Variants in LATS2 observed in about 807,000 individuals in gnomAD.
LATS2 encodes the protein serine/threonine-protein kinase LATS2.
A neutral mutation model predicts 76.0 loss-of-function variants in LATS2; 24 were observed. That is an observed-to-expected ratio of 0.32 (90% CI 0.23 to 0.44). The LOEUF (loss-of-function observed/expected upper bound fraction) is 0.44, where lower values mean the gene tolerates loss of function less well. Ranked by LOEUF, LATS2 falls within the 20% of genes least tolerant of loss-of-function variation. LATS2 has a pLI of 1.00. For synonymous variants in LATS2, 692 were observed against 635.4 expected (o/e 1.09, Z -1.34); for missense variants, 1,286 against 1,481.2 (o/e 0.87, Z 2.16).
At chr13:21,001,165 T>C (rs961703098) in intron 2 of LATS2, among the ~76,000 whole-genome samples, 3 of 152,180 alleles carry the variant, frequency 2.0e-5, no homozygotes, top group Admixed American at 1.3e-4. Flanking sequence ...AATTCCAGGA[T>C]TTTGAGGAAT....
In LATS2 at chr13:21,045,815, C is replaced by T. The variant is rs371569585; in HGVS notation, c.212G>A (p.Gly71Glu). 6.6e-5 allele frequency: 106 copies of T among 1,614,082 alleles called. No homozygotes were observed. The highest frequency in any genetic ancestry group is 8.9e-5 in the Non-Finnish European group (105 of 1,180,050). ...QQQMRATPKF[G>E]PYQKALREIR... ...TTCCCTCAAGGCTTTCTGATAAGGT[C>T]CGAACTTTGGGGTGGCTCTCATCTG... Residue 71 changes from glycine (G) to glutamate (E), a missense_variant, in exon 2 of 8, where the codon GGA becomes GAA. Coordinates refer to ENST00000382592, the MANE Select transcript of LATS2 (RefSeq NM_014572.3).
At chr13:21,023,933 A>T (rs1474726510) in intron 2 of LATS2, among the ~76,000 whole-genome samples, 1 of 151,538 alleles carries the variant, frequency 6.6e-6, no homozygotes, top group Non-Finnish European at 1.5e-5. Flanking sequence ...AGATCGCACC[A>T]TTGCACTCCA....
At chr13:21,037,827 G>T (rs1872733080) in intron 2 of LATS2, among the ~76,000 whole-genome samples, 2 of 148,632 alleles carry the variant, frequency 1.3e-5, no homozygotes, top group South Asian at 2.1e-4. Context: ...GACCAGGGCG[G>T]GTAGGGCCAG....
In LATS2 at chr13:21,059,829, G is replaced by A. The variant is rs139476118; in HGVS notation, c.-205+1517C>T. Reference sequence around the variant, plus strand: ...AAAAAATACAAAATTAGCTGGGCTGGTGGCGCGGGCCTGTAATCCCAGCTA... The same window carrying A: ...AAAAAATACAAAATTAGCTGGGCTGATGGCGCGGGCCTGTAATCCCAGCTA... On this transcript the variant is annotated intron_variant, in intron 1 of 7. Coordinates refer to ENST00000382592, the MANE Select transcript of LATS2 (RefSeq NM_014572.3). Among the ~76,000 whole-genome samples the A allele has an allele frequency of 9.4e-3, 1,422 of 151,900 alleles. 10 individuals carry two copies. The highest frequency in any genetic ancestry group is 0.014 in the Non-Finnish European group (982 of 67,986).
rs1257348191 is a variant in LATS2 at position 20,988,841 on chromosome 13, C to T, written c.939G>A (p.Val313=). ...AFPPPAAGLY[V]PHPHHKQAGP... is the part of the protein sequence containing the mutation. ...CGGCCTGCTTGTGGTGTGGGTGCGGCACGTAGAGCCCGGCGGCAGGGGGTG... is the reference window on the plus strand; with the variant it reads ...CGGCCTGCTTGTGGTGTGGGTGCGGTACGTAGAGCCCGGCGGCAGGGGGTG... Residue 313 remains valine, a synonymous_variant, in exon 4 of 8, where the codon GTG becomes GTA. Transcript: ENST00000382592. The T allele has an allele frequency of 3.1e-6, 5 of 1,594,630 alleles. No individual in the cohort carries two copies. Among genetic ancestry groups the T allele is most frequent in the Non-Finnish European group, 2.6e-6 (3 of 1,176,288 alleles).
At chr13:21,011,343 C>A (rs1871584739) in intron 2 of LATS2, among the ~76,000 whole-genome samples, 1 of 152,220 alleles carries the variant, frequency 6.6e-6, no homozygotes, top group Non-Finnish European at 1.5e-5. Flanking sequence ...AGGCCTTAGA[C>A]CTCCATGAAA....
chr13:20,997,173 A>G (rs1434668453), intron 2 of LATS2, among the ~76,000 whole-genome samples: 1 of 152,228 alleles, frequency 6.6e-6, no homozygotes, highest in East Asian at 1.9e-4. Context: ...CTGAGGTTTC[A>G]CTGGTTTACT....
At chr13:21,023,480 AC>A (rs1423253402) in intron 2 of LATS2, among the ~76,000 whole-genome samples, 29 of 151,892 alleles carry the variant, frequency 1.9e-4, no homozygotes, top group African/African-American at 7.0e-4. Flanking sequence ...GGACCCCTGC[AC>A]TTCCCGTCCT....
At position 20,988,643 on chromosome 13, in the gene LATS2, G is replaced by C. The variant is rs751858648; in HGVS notation, c.1137C>G (p.Asp379Glu). Residue 379 changes from aspartate (D) to glutamate (E), a missense_variant, in exon 4 of 8, where the codon GAC becomes GAG. Around this residue, in one of 5 missense-constraint regions of LATS2, gnomAD observed 710 missense variants for 660.9 expected, o/e 1.07. Coordinates refer to ENST00000382592, the MANE Select transcript of LATS2 (RefSeq NM_014572.3). ...CCTCCAGGCCCGGCTTCTGCAGGGA[G>C]TCCCGGCGGGCCAGGGTGGCAGCCG... ...QWPAATLARR[D>E]SLQKPGLEAP... 3 of 1,583,614 alleles carry C rather than the reference G, an allele frequency of 1.9e-6. No individual in the cohort carries two copies. In the South Asian group the frequency reaches 3.4e-5, roughly 18 times the overall value.
chr13:21,046,641 T>G (rs1461428023), intron 1 of LATS2, among the ~76,000 whole-genome samples: 1 of 152,214 alleles, frequency 6.6e-6, no homozygotes, highest in Non-Finnish European at 1.5e-5. Context: ...TCCTTGTCCT[T>G]CATCCCCATG....
chr13:21,025,918 C>G (rs573049773), intron 2 of LATS2, among the ~76,000 whole-genome samples: 3 of 152,222 alleles, frequency 2.0e-5, no homozygotes, highest in African/African-American at 7.2e-5. Flanking sequence ...GATTAGGGAC[C>G]CCTGTTATAA....
At chr13:21,054,160 T>C (rs899455444) in intron 1 of LATS2, among the ~76,000 whole-genome samples, 3 of 152,168 alleles carry the variant, frequency 2.0e-5, no homozygotes, top group Non-Finnish European at 4.4e-5. Context: ...TTTTTAAACA[T>C]AGCTACACGG....
chr13:20,988,853 G>T lies in LATS2; in HGVS notation c.927C>A (p.Ala309=), dbSNP rs367606968. 9.9e-4 allele frequency: 1,574 copies of T among 1,587,884 alleles called. 1 individual carries two copies. The highest frequency in any genetic ancestry group is 1.3e-3 in the Non-Finnish European group (1,476 of 1,173,198). The change falls in exon 4 of 8, where the codon GCC becomes GCA. Residue 309 remains alanine (A), a synonymous_variant. Coordinates refer to ENST00000382592, the MANE Select transcript of LATS2 (RefSeq NM_014572.3). ...GGTGTGGGTGCGGCACGTAGAGCCC[G>T]GCGGCAGGGGGTGGGAAAGCGAGGC... ...GAGLAFPPPA[A]GLYVPHPHHK...
intron 2 of LATS2, among the ~76,000 whole-genome samples, chr13:20,999,439 A>C (rs1595224565): frequency 6.6e-6 from 1 of 151,880 alleles, no homozygotes; most frequent in African/African-American, 2.4e-5. Flanking sequence ...TATCGTTCCA[A>C]TTTTCATATC....
intron 2 of LATS2, among the ~76,000 whole-genome samples, chr13:20,996,928 T>C (rs1233811970): frequency 3.9e-5 from 6 of 152,202 alleles, no homozygotes; most frequent in African/African-American, 7.2e-5. Context: ...GAATAGAAGC[T>C]AGTAGGGCTA....
At chr13:21,010,999 G>A (rs1046922973) in intron 2 of LATS2, among the ~76,000 whole-genome samples, 1 of 152,228 alleles carries the variant, frequency 6.6e-6, no homozygotes, top group Non-Finnish European at 1.5e-5. Context: ...CAGCTCCCTG[G>A]TTTGCAAACT....
At chr13:21,005,090 A>T (rs1871214548) in intron 2 of LATS2, 1 of 152,356 alleles carries the variant, frequency 6.6e-6, no homozygotes, top group East Asian at 1.9e-4. Context: ...TCTGGGAACC[A>T]TTAGTCAAGA....
chr13:20,983,402 G>C lies in LATS2; in HGVS notation c.2304C>G (p.Ala768=), dbSNP rs1432124252. The C allele has an allele frequency of 6.2e-7, 1 of 1,613,980 alleles. No individual in the cohort carries two copies. The highest frequency in any genetic ancestry group is 2.2e-5 in the East Asian group (1 of 44,856). The part of the protein sequence containing the change: ...IRMEVFPEHL[A]RFYIAELTLA... ...AAGTCAGCTCTGCGATGTAGAACCG[G>C]GCCAGGTGCTCAGGGAAGACCTCCA... Residue 768 remains alanine, a synonymous_variant, in exon 5 of 8, where the codon GCC becomes GCG. Transcript: ENST00000382592.
chr13:21,024,155 C>T (rs1350904219), intron 2 of LATS2, among the ~76,000 whole-genome samples: 1 of 150,480 alleles, frequency 6.6e-6, no homozygotes, highest in Non-Finnish European at 1.5e-5. Flanking sequence ...AGGAATGGGC[C>T]GGGCATAGTG....
Sources: allele counts gnomAD v4.1 joint callset (sites outside exome capture counted in the v4.1 genomes callset), GRCh38; gene constraint gnomAD v4.1.1; regional missense constraint gnomAD v4.1.1; transcripts MANE v1.5; gene names NCBI Gene and HGNC (gene_info 2026-07-23, HGNC 2026-07-21).